The following PDGFD variants were observed in gnomAD, a reference collection of about 807,000 sequenced individuals.
PDGFD encodes the protein platelet derived growth factor D, also known as platelet-derived growth factor D.
A neutral mutation model predicts 44.7 loss-of-function variants in PDGFD; 30 were observed. That is an observed-to-expected ratio of 0.67 (90% CI 0.50 to 0.91). The LOEUF (loss-of-function observed/expected upper bound fraction) is 0.91, where lower values mean the gene tolerates loss of function less well. Ranked by LOEUF, PDGFD falls within the 40% of genes least tolerant of loss-of-function variation. The pLI is 0.00. For synonymous variants in PDGFD, 173 were observed against 168.4 expected (o/e 1.03, Z -0.21); for missense variants, 445 against 457.8 (o/e 0.97, Z 0.25).
chr11:103,982,026 A>G (rs1859279542), intron 3 of PDGFD, among the ~76,000 whole-genome samples: 1 of 151,742 alleles, frequency 6.6e-6, no homozygotes, highest in African/African-American at 2.4e-5. Context: ...CTTCATTTCT[A>G]TTCCACAGTT....
At chr11:104,090,668 G>A (rs1009417036) in intron 1 of PDGFD, among the ~76,000 whole-genome samples, 41 of 151,092 alleles carry the variant, frequency 2.7e-4, no homozygotes, top group African/African-American at 9.5e-4. Flanking sequence ...AAGGCACTGT[G>A]GAAAAATATG....
intron 1 of PDGFD, among the ~76,000 whole-genome samples, chr11:104,122,747 C>T (rs1379655511): frequency 3.3e-5 from 5 of 151,746 alleles, no homozygotes; most frequent in Admixed American, 1.3e-4. Flanking sequence ...TTCAGGTAAT[C>T]AAAAGTCTTG....
At chr11:103,963,613 C>A (rs1287372561) in intron 3 of PDGFD, among the ~76,000 whole-genome samples, 1 of 152,118 alleles carries the variant, frequency 6.6e-6, no homozygotes, top group African/African-American at 2.4e-5. Flanking sequence ...GGGAAACAAA[C>A]CAAACAGCCG....
intron 1 of PDGFD, among the ~76,000 whole-genome samples, chr11:104,121,761 C>G (rs1861781677): frequency 6.6e-6 from 1 of 152,026 alleles, no homozygotes; most frequent in Non-Finnish European, 1.5e-5. Context: ...AGCACTGATA[C>G]AGTTTCATTA....
chr11:103,990,597 C>T (rs1053054192), intron 3 of PDGFD, among the ~76,000 whole-genome samples: 4 of 152,162 alleles, frequency 2.6e-5, no homozygotes, highest in Admixed American at 2.0e-4. Flanking sequence ...ACTGGACATG[C>T]CTTGTCTGGC....
chr11:104,031,921 T>C (rs1218834809), intron 1 of PDGFD, among the ~76,000 whole-genome samples: 2 of 152,060 alleles, frequency 1.3e-5, no homozygotes, highest in Non-Finnish European at 2.9e-5. Flanking sequence ...CATGTTCTCA[T>C]TTATAAGTGG....
At chr11:103,996,850 G>A (rs569856796) in intron 2 of PDGFD, among the ~76,000 whole-genome samples, 4 of 152,330 alleles carry the variant, frequency 2.6e-5, no homozygotes, top group East Asian at 3.9e-4. Context: ...AAGGAGAGAT[G>A]TGTGCTAACC....
chr11:103,945,602 A>G (rs111370540), intron 4 of PDGFD: 23 of 152,294 alleles, frequency 1.5e-4, no homozygotes, highest in Admixed American at 1.1e-3. Flanking sequence ...TGCTTCCCTC[A>G]TTTTTGAAAT....
chr11:104,117,310 G>A (rs771702907), intron 1 of PDGFD, among the ~76,000 whole-genome samples: 1 of 151,878 alleles, frequency 6.6e-6, no homozygotes, highest in Non-Finnish European at 1.5e-5. Flanking sequence ...CATTCCCTCT[G>A]AGAACTGGAA....
At chr11:104,056,903 G>C (rs941994951) in intron 1 of PDGFD, among the ~76,000 whole-genome samples, 4 of 152,146 alleles carry the variant, frequency 2.6e-5, no homozygotes, top group African/African-American at 4.8e-5. Context: ...GCCGAGGCAG[G>C]AGTATCAGGA....
In PDGFD at chr11:103,938,723, A is replaced by T. The variant is rs183075423; in HGVS notation, c.772+4729T>A. Among the ~76,000 whole-genome samples, 1,323 of 152,228 alleles carry T rather than the reference A, an allele frequency of 8.7e-3. 19 individuals are homozygous for T. Among genetic ancestry groups the T allele is most frequent in the African/African-American group, 0.03 (1,263 of 41,516 alleles). On this transcript the variant is annotated intron_variant, in intron 5 of 6. Coordinates refer to ENST00000393158, the MANE Select transcript of PDGFD (RefSeq NM_025208.5). The stretch of plus-strand genomic sequence containing the variant: ...TAAGTCTTTAATCCATCTTGAATTA[A>T]TTTTTGTATAAGGTGTAAGGAAGGG...
intron 1 of PDGFD, among the ~76,000 whole-genome samples, chr11:104,158,354 ATCCTGGTAC>A (rs1371164919): frequency 2.0e-5 from 3 of 152,208 alleles, no homozygotes; most frequent in Non-Finnish European, 4.4e-5. Context: ...CTTCTGGAGA[ATCCTGGTAC>A]TCTCCAGAAT....
At chr11:103,955,585 A>G (rs1402800449) in intron 3 of PDGFD, among the ~76,000 whole-genome samples, 2 of 152,254 alleles carry the variant, frequency 1.3e-5, no homozygotes, top group Non-Finnish European at 2.9e-5. Flanking sequence ...TACACATAAT[A>G]TGGTAAAGGT....
chr11:104,116,703 C>T (rs958449127), intron 1 of PDGFD, among the ~76,000 whole-genome samples: 2 of 151,966 alleles, frequency 1.3e-5, no homozygotes, highest in Non-Finnish European at 1.5e-5. Flanking sequence ...GCTGTGGCCC[C>T]ACCCAAATCT....
rs66571550 is a variant in PDGFD at position 103,969,474 on chromosome 11, G to GTTTTTTTTTTTTT, written c.511-21763_511-21751dup. Among the ~76,000 whole-genome samples the GTTTTTTTTTTTTT allele has an allele frequency of 2.2e-3, 195 of 89,796 alleles. 14 individuals carry two copies. The East Asian group carries it at 0.036, about 17-fold the overall frequency. The allele number at this position is 89,796 out of a possible 152,430, so 58.9% of individuals were successfully genotyped here. Reference sequence around the variant, plus strand: ...ACTATTTAGTTTTACACCAAGCCTGGTTTTTTTTTTTTTTTTTTTTTTTTC... The same window carrying GTTTTTTTTTTTTT: ...ACTATTTAGTTTTACACCAAGCCTGGTTTTTTTTTTTTTTTTTTTTTTTTTTTTTTTTTTTTTC... On this transcript the variant is annotated intron_variant, in intron 3 of 6. Coordinates refer to ENST00000393158, the MANE Select transcript of PDGFD (RefSeq NM_025208.5).
At chr11:104,115,962 T>G (rs1861631206) in intron 1 of PDGFD, among the ~76,000 whole-genome samples, 1 of 152,090 alleles carries the variant, frequency 6.6e-6, no homozygotes, top group African/African-American at 2.4e-5. Context: ...GTATAGATTG[T>G]GAAGGTTTTC....
chr11:103,980,387 T>C (rs1859250457), intron 3 of PDGFD, among the ~76,000 whole-genome samples: 1 of 152,036 alleles, frequency 6.6e-6, no homozygotes, highest in South Asian at 2.1e-4. Context: ...ACTATTAAGG[T>C]TGGAATTTTA....
intron 3 of PDGFD, among the ~76,000 whole-genome samples, chr11:103,950,524 T>C (rs552047635): frequency 6.6e-6 from 1 of 151,044 alleles, no homozygotes; most frequent in African/African-American, 2.4e-5. Context: ...GATTGCACCA[T>C]TGCACTCCAG....
intron 1 of PDGFD, among the ~76,000 whole-genome samples, chr11:104,023,245 T>C (rs1181285733): frequency 6.6e-6 from 1 of 152,190 alleles, no homozygotes; most frequent in Non-Finnish European, 1.5e-5. Flanking sequence ...AAACGCCGTC[T>C]GAACAGTATT....
Sources: allele counts gnomAD v4.1 joint callset (sites outside exome capture counted in the v4.1 genomes callset), GRCh38; gene constraint gnomAD v4.1.1; transcripts MANE v1.5; gene names NCBI Gene and HGNC (gene_info 2026-07-23, HGNC 2026-07-21).